The following CDH12 variants were observed in gnomAD, a reference collection of about 807,000 sequenced individuals.
CDH12 encodes the protein cadherin-12.
A neutral mutation model predicts 74.1 loss-of-function variants in CDH12; 41 were observed. That is an observed-to-expected ratio of 0.55 (90% CI 0.43 to 0.72). The LOEUF (loss-of-function observed/expected upper bound fraction) is 0.72, where lower values mean the gene tolerates loss of function less well. Ranked by LOEUF, CDH12 falls within the 30% of genes least tolerant of loss-of-function variation. The probability of loss-of-function intolerance (pLI) is 0.00; values close to 1 mark genes in which losing one functional copy is unlikely to be tolerated. For synonymous variants in CDH12, 399 were observed against 355.0 expected (o/e 1.12, Z -1.39); for missense variants, 945 against 977.2 (o/e 0.97, Z 0.44).
At chr5:22,016,379 T>G (rs1051854919) in intron 5 of CDH12, among the ~76,000 whole-genome samples, 1 of 152,046 alleles carries the variant, frequency 6.6e-6, no homozygotes, top group African/African-American at 2.4e-5. Flanking sequence ...ATTTATAGAA[T>G]CACTTATATA....
intron 1 of CDH12, among the ~76,000 whole-genome samples, chr5:22,750,556 G>A (rs1309226484): frequency 5.3e-5 from 8 of 152,056 alleles, no homozygotes; most frequent in Admixed American, 5.2e-4. Context: ...TGGTACTGGG[G>A]ATATCAAGAA....
intron 3 of CDH12, among the ~76,000 whole-genome samples, chr5:22,363,483 G>T (rs528096242): frequency 1.3e-5 from 2 of 152,036 alleles, no homozygotes; most frequent in African/African-American, 4.8e-5. Context: ...CCTATTAAAC[G>T]GCATGAAGAA....
intron 5 of CDH12, among the ~76,000 whole-genome samples, chr5:22,024,203 A>G (rs1468703789): frequency 6.6e-6 from 1 of 152,202 alleles, no homozygotes; most frequent in Non-Finnish European, 1.5e-5. Flanking sequence ...GAAGATAATT[A>G]CATATTTATC....
At chr5:21,951,083 G>A (rs1755839480) in intron 6 of CDH12, among the ~76,000 whole-genome samples, 2 of 151,248 alleles carry the variant, frequency 1.3e-5, no homozygotes, top group African/African-American at 4.9e-5. Context: ...CAGGGTGCCT[G>A]GCCCAGCTAC....
rs752853077 is a variant in CDH12, at chr5:22,304,345, G to T, written c.-332-91702C>A. ...ATTAAGCTCTTTCTATGAAAGAAAG[G>T]GGGTGTGTGTGCACGTACTTATGTT... is the stretch of plus-strand genomic sequence containing the variant. On this transcript the variant is annotated intron_variant, in intron 3 of 14. Coordinates refer to ENST00000382254, the MANE Select transcript of CDH12 (RefSeq NM_004061.5). Among the ~76,000 whole-genome samples, 56 of 152,218 alleles carry T rather than the reference G, an allele frequency of 3.7e-4. 1 individual carries two copies. Among genetic ancestry groups the T allele is most frequent in the South Asian group, 6.2e-4 (3 of 4,820 alleles).
chr5:21,979,698 T>C (rs558966022), intron 5 of CDH12, among the ~76,000 whole-genome samples: 1 of 152,246 alleles, frequency 6.6e-6, no homozygotes, highest in South Asian at 2.1e-4. Context: ...TGGGGTATGT[T>C]GGGAGAAGGA....
intron 3 of CDH12, among the ~76,000 whole-genome samples, chr5:22,396,179 C>A (rs1035333462): frequency 6.6e-6 from 1 of 151,898 alleles, no homozygotes; most frequent in African/African-American, 2.4e-5. Flanking sequence ...AATATAAGAA[C>A]CATGTAAATA....
chr5:22,230,388 C>T (rs991574030), intron 3 of CDH12, among the ~76,000 whole-genome samples: 2 of 151,998 alleles, frequency 1.3e-5, no homozygotes, highest in Non-Finnish European at 1.5e-5. Context: ...CATATTCTCA[C>T]CACTGCCATT....
intron 3 of CDH12, among the ~76,000 whole-genome samples, chr5:22,231,246 A>T (rs924373460): frequency 1.3e-5 from 2 of 152,178 alleles, no homozygotes; most frequent in African/African-American, 4.8e-5. Flanking sequence ...ATTATAACTT[A>T]TAAATTAGAC....
At chr5:21,810,510 G>A (rs543946868) in intron 9 of CDH12, among the ~76,000 whole-genome samples, 26 of 152,228 alleles carry the variant, frequency 1.7e-4, no homozygotes, top group Admixed American at 1.4e-3. Context: ...GAGAAAACAT[G>A]AGTAGGCAGA....
At chr5:22,251,404 T>C (rs1753124847) in intron 3 of CDH12, among the ~76,000 whole-genome samples, 1 of 152,200 alleles carries the variant, frequency 6.6e-6, no homozygotes, top group East Asian at 1.9e-4. Context: ...TTATTGAATT[T>C]GTAAAAACAC....
intron 1 of CDH12, among the ~76,000 whole-genome samples, chr5:22,708,885 G>T (rs1743154663): frequency 6.6e-6 from 1 of 152,146 alleles, no homozygotes; most frequent in Admixed American, 6.6e-5. Context: ...CCATGAGCGG[G>T]AAGTTAGATG....
intron 4 of CDH12, among the ~76,000 whole-genome samples, chr5:22,091,295 GAGAA>G (rs937043359): frequency 6.7e-6 from 1 of 148,768 alleles, no homozygotes; most frequent in Non-Finnish European, 1.5e-5. Flanking sequence ...GTGTGTGAGA[GAGAA>G]AGAGAGAGAG....
chr5:22,578,725 C>T (rs150436170), intron 1 of CDH12, among the ~76,000 whole-genome samples: 73 of 152,022 alleles, frequency 4.8e-4, no homozygotes, highest in African/African-American at 1.7e-3. Flanking sequence ...TTTTCTTCTT[C>T]TTCATCTTTT....
intron 3 of CDH12, among the ~76,000 whole-genome samples, chr5:22,365,407 A>C (rs984365327): frequency 6.6e-6 from 1 of 152,236 alleles, no homozygotes; most frequent in Admixed American, 6.5e-5. Context: ...TTCACTCAAC[A>C]GTATTATTAA....
At chr5:22,575,050 A>G (rs1561501275) in intron 1 of CDH12, among the ~76,000 whole-genome samples, 1 of 152,204 alleles carries the variant, frequency 6.6e-6, no homozygotes, top group Non-Finnish European at 1.5e-5. Context: ...ATGTTCATTC[A>G]TAATGAGTGA....
chr5:21,798,651 C>T (rs1287344016), intron 10 of CDH12, among the ~76,000 whole-genome samples: 1 of 151,340 alleles, frequency 6.6e-6, no homozygotes, highest in Non-Finnish European at 1.5e-5. Context: ...GATTAGTGCC[C>T]TTCTAACCAA....
intron 3 of CDH12, among the ~76,000 whole-genome samples, chr5:22,402,903 T>C (rs1480010814): frequency 6.6e-6 from 1 of 152,116 alleles, no homozygotes; most frequent in Non-Finnish European, 1.5e-5. Context: ...TTTTTGAAAA[T>C]GTTATATAAG....
At chr5:22,672,318 T>G (rs375751028) in intron 1 of CDH12, among the ~76,000 whole-genome samples, 6 of 151,648 alleles carry the variant, frequency 4.0e-5, no homozygotes, top group East Asian at 3.9e-4. Context: ...AATGTAGGGC[T>G]TTGGTTTGAA....
Sources: allele counts gnomAD v4.1 joint callset (sites outside exome capture counted in the v4.1 genomes callset), GRCh38; gene constraint gnomAD v4.1.1; transcripts MANE v1.5; gene names NCBI Gene and HGNC (gene_info 2026-07-23, HGNC 2026-07-21).